The following ZNF141 variants were observed in gnomAD, a reference collection of about 807,000 sequenced individuals.
ZNF141 encodes zinc finger protein 141 (clone pHZ-44).
A neutral mutation model predicts 11.3 loss-of-function variants in ZNF141; 7 were observed. The observed-to-expected ratio is 0.62, with a 90% CI of 0.35 to 1.16. The LOEUF (loss-of-function observed/expected upper bound fraction) is 1.16. Ranked by LOEUF, ZNF141 falls within the 50% of genes most tolerant of loss-of-function variation. The pLI is 0.02. For missense variants in ZNF141, 535 were observed against 554.0 expected (o/e 0.97, Z 0.34); for synonymous variants, 183 against 190.7 (o/e 0.96, Z 0.33).
In ZNF141 at chr4:374,921, T is replaced by C. The variant is rs573259880; in HGVS notation, c.*1059T>C. ...TATTCTAAATATAAGAGAAATGATA[T>C]TGGTGAGAAGCCACAAAAATATGAA... On this transcript the variant is annotated 3_prime_UTR_variant, in exon 4 of 4. Transcript: ENST00000240499. 4 of 152,056 alleles carry C rather than the reference T, an allele frequency of 2.6e-5. No individual in the cohort carries two copies. The highest frequency in any genetic ancestry group is 5.9e-5 in the Non-Finnish European group (4 of 67,998). The allele number at this position is 152,056 out of a possible 1,614,324, so 9.4% of individuals were successfully genotyped here.
At chr4:340,406 C>T (rs1390839503) in intron 1 of ZNF141, among the ~76,000 whole-genome samples, 3 of 152,214 alleles carry the variant, frequency 2.0e-5, no homozygotes, top group Middle Eastern at 3.2e-3. Flanking sequence ...AGTTTTTCCA[C>T]CTCTTTCAGT....
At chr4:347,852 T>C (rs1348896874) in intron 3 of ZNF141, among the ~76,000 whole-genome samples, 2 of 141,088 alleles carry the variant, frequency 1.4e-5, no homozygotes, top group Non-Finnish European at 3.1e-5. Flanking sequence ...GGATATTAAC[T>C]TTTTTTTTTT....
chr4:341,356 C>G (rs1721041926), intron 1 of ZNF141, among the ~76,000 whole-genome samples: 1 of 152,170 alleles, frequency 6.6e-6, no homozygotes, highest in Non-Finnish European at 1.5e-5. Context: ...CCACCGTGCC[C>G]AGCCTGTTTT....
rs782206303 is a variant in ZNF141 at position 376,377 on chromosome 4, T to A, written c.*2515T>A. 6.6e-6 allele frequency among the ~76,000 whole-genome samples: 1 copy of A among 152,058 alleles called. No homozygotes were observed. The highest frequency in any genetic ancestry group is 1.5e-5 in the Non-Finnish European group (1 of 67,918). Reference sequence around the variant, plus strand: ...CTATGGCATATATGGGTTATTTTCTTATACAGGCATACAACATGTAATATA... The same window carrying A: ...CTATGGCATATATGGGTTATTTTCTAATACAGGCATACAACATGTAATATA... On this transcript the variant is annotated 3_prime_UTR_variant, in exon 4 of 4. Coordinates refer to ENST00000240499, the MANE Select transcript of ZNF141 (RefSeq NM_003441.4).
intron 3 of ZNF141, among the ~76,000 whole-genome samples, chr4:368,310 C>A (rs1711847064): frequency 6.6e-6 from 1 of 152,112 alleles, no homozygotes; most frequent in Admixed American, 6.5e-5. Context: ...GGCACCATCT[C>A]AGCTCACTGC....
intron 3 of ZNF141, among the ~76,000 whole-genome samples, chr4:364,391 G>T (rs558166791): frequency 1.3e-5 from 2 of 152,288 alleles, no homozygotes; most frequent in Admixed American, 1.3e-4. Flanking sequence ...TCTATTCAGA[G>T]ATTCTGTTTC....
At chr4:344,495 G>A in intron 3 of ZNF141, 65 bp downstream of exon 3, 1 of 1,452,584 alleles carries the variant, frequency 6.9e-7, no homozygotes, top group Non-Finnish European at 9.4e-7. Context: ...AGGAAGCCAG[G>A]CCTTAAAATG....
At chr4:344,126 A>AT (rs1553849042) in intron 2 of ZNF141, among the ~76,000 whole-genome samples, 3 of 152,108 alleles carry the variant, frequency 2.0e-5, no homozygotes, top group African/African-American at 4.8e-5. Flanking sequence ...TGCACCACTT[A>AT]TTTTTTATTC....
intron 3 of ZNF141, among the ~76,000 whole-genome samples, chr4:357,534 T>C (rs1002710585): frequency 1.6e-4 from 25 of 152,174 alleles, no homozygotes; most frequent in African/African-American, 6.0e-4. Context: ...TTCATAAAAC[T>C]GAATGTCTAT....
At chr4:356,229 T>C (rs1721834189) in intron 3 of ZNF141, among the ~76,000 whole-genome samples, 1 of 97,660 alleles carries the variant, frequency 1.0e-5, no homozygotes, top group Non-Finnish European at 2.0e-5. Context: ...AGGCTCCGTC[T>C]CAAAAAAAAA....
At chr4:370,151 T>C (rs116637610) in intron 3 of ZNF141, among the ~76,000 whole-genome samples, 4,363 of 152,254 alleles carry the variant, frequency 0.029, 63 homozygotes, top group Middle Eastern at 0.065. Flanking sequence ...AATGTTGTTA[T>C]TGATGTCACT....
rs1413626485 is a variant in ZNF141, at chr4:379,740, A to G, written c.*5878A>G. Among the ~76,000 whole-genome samples the G allele has an allele frequency of 1.3e-5, 2 of 152,266 alleles. No individual in the cohort carries two copies. The highest frequency in any genetic ancestry group is 2.9e-5 in the Non-Finnish European group (2 of 68,050). On this transcript the variant is annotated 3_prime_UTR_variant, in exon 4 of 4. Transcript: ENST00000240499. The stretch of plus-strand genomic sequence containing the variant: ...TTTTTTATAATACTCAAGTTGTTTG[A>G]CAAAGATACTCATCATTTGCAACAT...
At chr4:344,488 A>G in intron 3 of ZNF141, 58 bp downstream of exon 3, 1 of 1,487,650 alleles carries the variant, frequency 6.7e-7, no homozygotes, top group South Asian at 1.2e-5. Context: ...GTCAAGAAGG[A>G]AGCCAGGCCT....
chr4:358,311 C>T (rs1051990049), intron 3 of ZNF141: 10 of 357,988 alleles, frequency 2.8e-5, no homozygotes, highest in Admixed American at 2.0e-4. Flanking sequence ...CCTCCGCCTC[C>T]CAAGTAGCTG....
chr4:355,866 G>T (rs1179101848), intron 3 of ZNF141, among the ~76,000 whole-genome samples: 2 of 152,148 alleles, frequency 1.3e-5, no homozygotes, highest in East Asian at 3.9e-4. Context: ...AAGTCTTGAG[G>T]ATGATGGAAG....
intron 3 of ZNF141, among the ~76,000 whole-genome samples, chr4:349,758 G>T (rs1017279355): frequency 6.6e-6 from 1 of 152,056 alleles, no homozygotes; most frequent in South Asian, 2.1e-4. Context: ...CCAGAGATTT[G>T]GACAGTCATG....
In ZNF141 at chr4:374,485, A is replaced by G. The variant is rs1193708352; in HGVS notation, c.*623A>G. ...TGTAAAGAATGTGGCAAAGCCTTCAATAGGTTCTCAACCCTTACTGTGCAC... is the reference window on the plus strand; with the variant it reads ...TGTAAAGAATGTGGCAAAGCCTTCAGTAGGTTCTCAACCCTTACTGTGCAC... On this transcript the variant is annotated 3_prime_UTR_variant, in exon 4 of 4. Transcript: ENST00000240499. The G allele has an allele frequency of 1.4e-5, 4 of 293,082 alleles. No individual in the cohort carries two copies. Among genetic ancestry groups the G allele is most frequent in the Middle Eastern group, 4.4e-4 (1 of 2,266 alleles). The allele number at this position is 293,082 out of a possible 1,614,324, so 18.2% of individuals were successfully genotyped here. A position where few individuals can be genotyped will look rare whatever the true frequency, so the allele number is the denominator to read the frequency against.
At position 343,841 on chromosome 4, in the gene ZNF141, G is replaced by A. The variant is rs1553848949; in HGVS notation, c.63G>A (p.Leu21=). The stretch of plus-strand genomic sequence containing the variant: ...TCTCTCCAGAAGAGTGGAAATGCCT[G>A]GACCCTGACCAGCAGAATTTGTATA... The part of the protein sequence containing the change: ...IEFSPEEWKC[L]DPDQQNLYRD... The change falls in exon 2 of 4, where the codon CTG becomes CTA. Residue 21 remains leucine, a synonymous_variant. Transcript: ENST00000240499. 1 of 1,610,832 alleles carries A rather than the reference G, an allele frequency of 6.2e-7. No homozygotes were observed. Among genetic ancestry groups the A allele is most frequent in the East Asian group, 2.2e-5 (1 of 44,792 alleles).
In ZNF141 at chr4:381,400, C is replaced by CTTTTTTTTTTTT. The variant is rs34721227; in HGVS notation, c.*7553_*7564dup. On this transcript the variant is annotated 3_prime_UTR_variant, in exon 4 of 4. Coordinates refer to ENST00000240499, the MANE Select transcript of ZNF141 (RefSeq NM_003441.4). ...CTATTTAATACAGACTTCAAATGTG[C>CTTTTTTTTTTTT]TTTTTTTTTTTTTTTTTTTTTTTTT... Among the ~76,000 whole-genome samples, 4 of 76,946 alleles carry CTTTTTTTTTTTT rather than the reference C, an allele frequency of 5.2e-5. No individual in the cohort carries two copies. The highest frequency in any genetic ancestry group is 2.4e-4 in the African/African-American group (4 of 16,448). 50.5% of individuals were successfully genotyped at this position (76,946 alleles called of 152,430 possible).
Sources: gnomAD v4.1 joint callset for allele counts (sites outside exome capture counted in the v4.1 genomes callset) on GRCh38, gnomAD v4.1.1 for gene constraint, MANE v1.5 for transcripts, NCBI Gene and HGNC (gene_info 2026-07-23, HGNC 2026-07-21) for gene names.